STX12: variants seen among roughly 807,000 people sequenced by gnomAD.
STX12 encodes the protein syntaxin-12.
In STX12, 17 loss-of-function variants were observed where a neutral mutation model predicts 42.2. That is an observed-to-expected ratio of 0.40 (90% CI 0.28 to 0.60). The LOEUF (loss-of-function observed/expected upper bound fraction) is 0.60. Among genes scored for constraint, STX12 ranks in the 20% least tolerant of loss-of-function variants. The pLI is 0.39. For missense variants in STX12, 297 were observed against 330.9 expected, an observed-to-expected ratio of 0.90 and a Z score of 0.79; for synonymous variants, 108 against 116.7, an observed-to-expected ratio of 0.93 and a Z score of 0.48.
chr1:27,820,430 G>T (rs1026041482), intron 8 of STX12: 1 of 152,156 alleles, frequency 6.6e-6, no homozygotes, highest in African/African-American at 2.4e-5. Context: ...AGATGAGCAG[G>T]TTGCGAAAAT....
At chr1:27,818,534 A>T (rs1354813436) in intron 7 of STX12, among the ~76,000 whole-genome samples, 1 of 152,214 alleles carries the variant, frequency 6.6e-6, no homozygotes, top group Non-Finnish European at 1.5e-5. Flanking sequence ...ATGAATACTC[A>T]GTCCCATTGA....
At chr1:27,806,499 C>T (rs2088863459) in intron 4 of STX12, among the ~76,000 whole-genome samples, 1 of 152,166 alleles carries the variant, frequency 6.6e-6, no homozygotes, top group Non-Finnish European at 1.5e-5. Flanking sequence ...TTTATGTGCA[C>T]TTCCCATTTC....
In STX12 at chr1:27,822,341, C is replaced by T. The variant is rs755150633; in HGVS notation, c.*12C>T. On this transcript the variant is annotated 3_prime_UTR_variant, in exon 9 of 9. Transcript: ENST00000373943. ...ATAAAACGAAGTGATTGCCTCCGAT[C>T]GTTCTCCCGCTGAGCTGTTTTCAAG... 9 of 1,550,276 alleles carry T rather than the reference C, an allele frequency of 5.8e-6. No homozygotes were observed. The highest frequency in any genetic ancestry group is 4.1e-5 in the African/African-American group (3 of 73,640).
intron 3 of STX12, among the ~76,000 whole-genome samples, chr1:27,796,677 C>T (rs2088787608): frequency 6.6e-6 from 1 of 151,948 alleles, no homozygotes; most frequent in Non-Finnish European, 1.5e-5. Flanking sequence ...CAGGCATGAA[C>T]TGCCATACCA....
chr1:27,777,730 C>T (rs902677836), intron 1 of STX12, among the ~76,000 whole-genome samples: 3 of 151,536 alleles, frequency 2.0e-5, no homozygotes, highest in African/African-American at 7.3e-5. Flanking sequence ...ACTAAAAATA[C>T]AAAAAAATTA....
chr1:27,799,650 AT>A (rs1199635138), intron 3 of STX12, among the ~76,000 whole-genome samples: 1 of 150,022 alleles, frequency 6.7e-6, no homozygotes, highest in East Asian at 2.0e-4. Context: ...CGCCTGGCTA[AT>A]TTTTTGTATT....
chr1:27,810,396 G>A, intron 5 of STX12, 107 bp downstream of exon 5: 1 of 1,020,792 alleles, frequency 9.8e-7, no homozygotes, highest in Non-Finnish European at 1.5e-6. Flanking sequence ...AAATAAGGGG[G>A]CACCTGGAGT....
chr1:27,790,412 A>C (rs1420043600), intron 2 of STX12, among the ~76,000 whole-genome samples: 1 of 152,174 alleles, frequency 6.6e-6, no homozygotes, highest in Non-Finnish European at 1.5e-5. Context: ...GTCCCCACCC[A>C]TGTCCTGCTG....
chr1:27,810,281 A>G lies in STX12; in HGVS notation c.462A>G (p.Ser154=), dbSNP rs2088894085. ...GGCAAAGAGAGGAGCAGCTGGTCTC[A>G]TTTGACAGGTAATAGAATTATTCAT... ...EERQREEQLV[S]FDSHEEWNQM... is the part of the protein sequence containing the mutation. The change falls in exon 5 of 9, where the codon TCA becomes TCG. Residue 154 remains serine (S), a synonymous_variant. Coordinates refer to ENST00000373943, the MANE Select transcript of STX12 (RefSeq NM_177424.3). 1.9e-6 allele frequency: 3 copies of G among 1,613,204 alleles called. No individual in the cohort carries two copies. Among genetic ancestry groups the G allele is most frequent in the Middle Eastern group, 1.7e-4 (1 of 6,058 alleles).
At chr1:27,792,334 C>CTA (rs1219354728) in intron 2 of STX12, among the ~76,000 whole-genome samples, 3 of 107,486 alleles carry the variant, frequency 2.8e-5, no homozygotes, top group South Asian at 5.7e-4. Flanking sequence ...ATATATGTAT[C>CTA]TATATATATG....
chr1:27,821,403 A>AT (rs1199299556), intron 8 of STX12, among the ~76,000 whole-genome samples: 1 of 152,208 alleles, frequency 6.6e-6, no homozygotes, highest in African/African-American at 2.4e-5. Flanking sequence ...AAACAGAAAA[A>AT]TGTTTATACT....
chr1:27,780,468 A>C (rs1421909943), intron 1 of STX12, among the ~76,000 whole-genome samples: 1 of 152,088 alleles, frequency 6.6e-6, no homozygotes, highest in Admixed American at 6.5e-5. Context: ...TTGCCCTCCC[A>C]GAGTGCTGGG....
intron 4 of STX12, among the ~76,000 whole-genome samples, chr1:27,802,303 G>C (rs1463292375): frequency 6.6e-6 from 1 of 152,182 alleles, no homozygotes; most frequent in Non-Finnish European, 1.5e-5. Context: ...TTGAACTTCA[G>C]TTTTGATATC....
chr1:27,810,440 G>C, intron 5 of STX12, 151 bp downstream of exon 5: 1 of 687,714 alleles, frequency 1.5e-6, no homozygotes, highest in South Asian at 1.9e-5. Context: ...AATTAAAAAG[G>C]CAAAACCATG....
chr1:27,793,638 T>C lies in STX12; in HGVS notation c.288+6T>C, dbSNP rs781228975. ...CCTTATCTACTTCAGAACAGGTTGG[T>C]ATTTTCTGTTTTGTTTATTAATAGG... On this transcript the variant is annotated splice_donor_region_variant and intron_variant, in intron 3 of 8. Coordinates refer to ENST00000373943, the MANE Select transcript of STX12 (RefSeq NM_177424.3). 2 of 1,610,472 alleles carry C rather than the reference T, an allele frequency of 1.2e-6. No individual in the cohort carries two copies. The highest frequency in any genetic ancestry group is 4.5e-5 in the East Asian group (2 of 44,870).
chr1:27,815,359 A>G (rs1192816503), intron 6 of STX12, among the ~76,000 whole-genome samples: 3 of 152,164 alleles, frequency 2.0e-5, no homozygotes, highest in Non-Finnish European at 4.4e-5. Context: ...CAATTTTCGT[A>G]TCTAGTAATT....
intron 3 of STX12, 110 bp downstream of exon 3, chr1:27,793,742 C>A: frequency 1.3e-6 from 1 of 743,416 alleles, no homozygotes. Context: ...GATAGATAGA[C>A]CTCCTCTGCA....
At chr1:27,806,588 G>A (rs953399479) in intron 4 of STX12, among the ~76,000 whole-genome samples, 1 of 152,146 alleles carries the variant, frequency 6.6e-6, no homozygotes, top group African/African-American at 2.4e-5. Context: ...AGAATACATT[G>A]GCTTTTAAAA....
At chr1:27,783,701 C>T (rs1403379432) in intron 1 of STX12, among the ~76,000 whole-genome samples, 2 of 152,232 alleles carry the variant, frequency 1.3e-5, no homozygotes, top group South Asian at 2.1e-4. Context: ...TACCTTTGGC[C>T]TAGTCATCTG....
Sources: allele counts gnomAD v4.1 joint callset (sites outside exome capture counted in the v4.1 genomes callset), GRCh38; gene constraint gnomAD v4.1.1; transcripts MANE v1.5; gene names NCBI Gene and HGNC (gene_info 2026-07-23, HGNC 2026-07-21).